PTPRT: variants seen among roughly 807,000 people sequenced by gnomAD.
PTPRT encodes receptor-type tyrosine-protein phosphatase T.
In PTPRT, 56 loss-of-function variants were observed where a neutral mutation model predicts 176.8. The ratio of observed to expected loss-of-function variants is 0.32; its 90% CI spans 0.26 to 0.40. PTPRT has a LOEUF of 0.40. PTPRT is among the 10% of genes least tolerant of loss of function. The probability of loss-of-function intolerance (pLI) is 1.00; values close to 1 mark genes in which losing one functional copy is unlikely to be tolerated. For synonymous variants in PTPRT, 783 were observed against 739.0 expected (o/e 1.06, Z -0.96); for missense variants, 1,540 against 1,908.2 (o/e 0.81, Z 3.60).
chr20:42,494,420 G>A (rs1334059515), intron 7 of PTPRT, among the ~76,000 whole-genome samples: 1 of 152,048 alleles, frequency 6.6e-6, no homozygotes, highest in East Asian at 1.9e-4. Flanking sequence ...AGCGGAGGAC[G>A]GTGGGTGAGA....
At chr20:42,651,709 G>A (rs1472430522) in intron 7 of PTPRT, among the ~76,000 whole-genome samples, 1 of 152,106 alleles carries the variant, frequency 6.6e-6, no homozygotes, top group Non-Finnish European at 1.5e-5. Flanking sequence ...CTGTGACCAT[G>A]GACAAGTGAC....
chr20:42,279,877 T>C (rs1402432316), intron 13 of PTPRT, among the ~76,000 whole-genome samples: 2 of 152,104 alleles, frequency 1.3e-5, no homozygotes, highest in Non-Finnish European at 2.9e-5. Context: ...CAGCGGCAAG[T>C]TGCTTCATCA....
At chr20:42,566,150 T>C (rs1158508476) in intron 7 of PTPRT, among the ~76,000 whole-genome samples, 1 of 152,140 alleles carries the variant, frequency 6.6e-6, no homozygotes, top group East Asian at 1.9e-4. Context: ...TTATTTTCTC[T>C]TTTGAGACAG....
At chr20:43,141,949 T>C (rs1023299488) in intron 1 of PTPRT, among the ~76,000 whole-genome samples, 1 of 152,156 alleles carries the variant, frequency 6.6e-6, no homozygotes, top group African/African-American at 2.4e-5. Context: ...TCCGAGCAGC[T>C]TTCCTTAAGA....
At chr20:42,285,737 A>G (rs2057218484) in intron 12 of PTPRT, among the ~76,000 whole-genome samples, 1 of 151,918 alleles carries the variant, frequency 6.6e-6, no homozygotes, top group Admixed American at 6.6e-5. Context: ...GAAAAAAAAA[A>G]GTCAAACTGT....
the PTPRT span, chr20:42,063,922 T>A: frequency 7.4e-4 from 112 of 152,202 alleles, 1 homozygote; most frequent in African/African-American, 2.6e-3. Context: ...ATATGAACAC[T>A]TCAGTTCTTA....
At chr20:42,886,015 A>G (rs1264784255) in intron 1 of PTPRT, 83 bp from the exon 2 acceptor site, 6 of 1,202,586 alleles carry the variant, frequency 5.0e-6, no homozygotes, top group Non-Finnish European at 6.5e-6. Flanking sequence ...CTCTTCATTT[A>G]CAGCTTTGAA....
At chr20:42,472,162 G>T in intron 8 of PTPRT, 104 bp downstream of exon 8, 5 of 1,291,816 alleles carry the variant, frequency 3.9e-6, no homozygotes, top group East Asian at 2.3e-5. Flanking sequence ...GTGTGTGAGG[G>T]AATTAAAAAT....
intron 2 of PTPRT, among the ~76,000 whole-genome samples, chr20:42,830,264 A>C (rs115884028): frequency 0.076 from 11,532 of 152,312 alleles, 435 homozygotes; most frequent in East Asian, 0.11. Flanking sequence ...AGTTGGCTTC[A>C]TTGCAAGGAT....
intron 13 of PTPRT, among the ~76,000 whole-genome samples, chr20:42,260,731 C>T (rs2056734299): frequency 6.6e-6 from 1 of 152,148 alleles, no homozygotes; most frequent in Non-Finnish European, 1.5e-5. Flanking sequence ...CACAGCCTGG[C>T]TTGTGAAGCA....
chr20:42,709,459 CA>C (rs2076111401), intron 6 of PTPRT, among the ~76,000 whole-genome samples: 1 of 152,212 alleles, frequency 6.6e-6, no homozygotes. Flanking sequence ...ATGTGACAAG[CA>C]GGCTCCCTTT....
chr20:42,205,686 C>T (rs1243063925), intron 15 of PTPRT, among the ~76,000 whole-genome samples: 2 of 152,164 alleles, frequency 1.3e-5, no homozygotes, highest in Non-Finnish European at 2.9e-5. Flanking sequence ...TGGGGAGACA[C>T]TGATCAGGCA....
chr20:42,037,373 G>C, the PTPRT span, among the ~76,000 whole-genome samples: 251 of 152,288 alleles, frequency 1.6e-3, 1 homozygote, highest in African/African-American at 5.5e-3. Flanking sequence ...AGTGAGCTCA[G>C]AGCCAACACT....
At chr20:42,467,292 A>T (rs967803220) in intron 8 of PTPRT, among the ~76,000 whole-genome samples, 5 of 152,212 alleles carry the variant, frequency 3.3e-5, no homozygotes, top group African/African-American at 1.2e-4. Flanking sequence ...ACTTTACAAA[A>T]GAAAAAAGGT....
intron 7 of PTPRT, 80 bp downstream of exon 7, chr20:42,677,786 C>T (rs1232094452): frequency 1.0e-5 from 15 of 1,477,118 alleles, no homozygotes; most frequent in Non-Finnish European, 1.2e-5. Context: ...AATTATCTGT[C>T]ACAGGAAGGC....
At chr20:43,126,810 G>A (rs139165855) in intron 1 of PTPRT, among the ~76,000 whole-genome samples, 127 of 152,306 alleles carry the variant, frequency 8.3e-4, no homozygotes, top group African/African-American at 3.0e-3. Context: ...AGCAGGAAGA[G>A]CAGGAACACT....
chr20:42,725,185 G>T (rs992575175), intron 6 of PTPRT, among the ~76,000 whole-genome samples: 1 of 151,646 alleles, frequency 6.6e-6, no homozygotes, highest in Non-Finnish European at 1.5e-5. Context: ...ACACCACCAC[G>T]CCCGGCTAAT....
chr20:42,212,405 G>T (rs2055663224), intron 15 of PTPRT, among the ~76,000 whole-genome samples: 3 of 115,758 alleles, frequency 2.6e-5, no homozygotes, highest in South Asian at 3.1e-4. Context: ...GACCCAATTA[G>T]TCTTTTTTCT....
At chr20:42,716,737 G>A (rs1212466691) in intron 6 of PTPRT, among the ~76,000 whole-genome samples, 1 of 152,126 alleles carries the variant, frequency 6.6e-6, no homozygotes, top group African/African-American at 2.4e-5. Flanking sequence ...ACACGCACAT[G>A]TATGTTTATT....
Sources: gnomAD v4.1 joint callset for allele counts (sites outside exome capture counted in the v4.1 genomes callset) on GRCh38, gnomAD v4.1.1 for gene constraint, MANE v1.5 for transcripts, NCBI Gene and HGNC (gene_info 2026-07-23, HGNC 2026-07-21) for gene names.